Variants in ATP2A2 observed in about 807,000 individuals in gnomAD.
ATP2A2 encodes ATPase sarcoplasmic/endoplasmic reticulum Ca2+ transporting 2.
ATP2A2 carries 14 observed loss-of-function variants against 109.3 expected under a neutral mutation model. The ratio of observed to expected loss-of-function variants is 0.13; its 90% CI spans 0.08 to 0.20. The LOEUF is 0.20. ATP2A2 is among the 10% of genes least tolerant of loss of function. The pLI, the probability that ATP2A2 is intolerant of heterozygous loss-of-function variation, is 1.00. For synonymous variants in ATP2A2, 506 were observed against 490.9 expected (o/e 1.03, Z -0.41); for missense variants, 657 against 1,321.6 (o/e 0.50, Z 7.80).
At position 110,348,709 on chromosome 12, in the gene ATP2A2, AATC is replaced by A. The variant is rs1880118452; in HGVS notation, c.*2241_*2243del. The A allele has an allele frequency of 1.0e-6, 1 of 985,296 alleles. No homozygotes were observed. Among genetic ancestry groups the A allele is most frequent in the Admixed American group, 6.1e-5 (1 of 16,264 alleles). The allele number at this position is 985,296 out of a possible 1,614,324, so 61.0% of individuals were successfully genotyped here. On this transcript the variant is annotated 3_prime_UTR_variant, in exon 20 of 20. Transcript: ENST00000539276. ...ACAGAGTGAGGCCCTGTCAAAAAAA[AATC>A]AGCCTTACTGTGAAGCCTCCAAGGC...
intron 5 of ATP2A2, among the ~76,000 whole-genome samples, chr12:110,318,911 G>A (rs1876947763): frequency 6.6e-6 from 1 of 152,154 alleles, no homozygotes; most frequent in Non-Finnish European, 1.5e-5. Flanking sequence ...TTTTAGCTTC[G>A]AGTTGGTGTG....
intron 5 of ATP2A2, 124 bp from the exon 6 acceptor site, chr12:110,322,868 A>T (rs878993228): frequency 4.4e-5 from 33 of 757,808 alleles, no homozygotes; most frequent in Non-Finnish European, 4.9e-5. Flanking sequence ...ACTGAATTTT[A>T]TGTATTTGTG....
intron 5 of ATP2A2, among the ~76,000 whole-genome samples, chr12:110,305,597 T>G (rs1475873258): frequency 2.0e-5 from 3 of 152,246 alleles, no homozygotes; most frequent in African/African-American, 7.2e-5. Context: ...CTTACTCCAT[T>G]GATCTCTGTC....
chr12:110,333,044 A>C (rs923700437), intron 9 of ATP2A2, 137 bp from the exon 10 acceptor site: 1 of 801,772 alleles, frequency 1.2e-6, no homozygotes, highest in Non-Finnish European at 2.2e-6. Flanking sequence ...TCTGGCATCA[A>C]ATTGTTTGGA....
intron 5 of ATP2A2, among the ~76,000 whole-genome samples, chr12:110,299,590 AGC>A (rs1874331342): frequency 6.6e-6 from 1 of 152,130 alleles, no homozygotes; most frequent in Non-Finnish European, 1.5e-5. Context: ...TCAAAGAGTG[AGC>A]CTCTGACTTA....
At chr12:110,311,595 CAAAAAAAA>C (rs67023919) in intron 5 of ATP2A2, among the ~76,000 whole-genome samples, 10 of 25,224 alleles carry the variant, frequency 4.0e-4, no homozygotes, top group East Asian at 2.4e-3. Flanking sequence ...GACTCCATCT[CAAAAAAAA>C]AAAAAAAAAA....
At chr12:110,312,753 G>A (rs189278041) in intron 5 of ATP2A2, among the ~76,000 whole-genome samples, 195 of 151,414 alleles carry the variant, frequency 1.3e-3, no homozygotes, top group African/African-American at 4.5e-3. Context: ...GGGTGGCTGA[G>A]GCACGAGAAT....
chr12:110,288,223 G>A (rs982409240), intron 3 of ATP2A2, among the ~76,000 whole-genome samples: 6 of 142,954 alleles, frequency 4.2e-5, no homozygotes, highest in Admixed American at 2.2e-4. Context: ...CAATCTTCCC[G>A]AGTAGTCAGG....
At position 110,349,047 on chromosome 12, in the gene ATP2A2, T is replaced by C. The variant is rs1057382708; in HGVS notation, c.*2577T>C. 1.0e-6 allele frequency: 1 copy of C among 985,454 alleles called. No individual in the cohort carries two copies. The highest frequency in any genetic ancestry group is 1.2e-6 in the Non-Finnish European group (1 of 829,962). The allele number at this position is 985,454 out of a possible 1,614,324, so 61.0% of individuals were successfully genotyped here. ...CTAGTTAGCTTCATGGTTTCTCAGC[T>C]TCAGACCCCTCCAGCCCACAGAGGA... On this transcript the variant is annotated 3_prime_UTR_variant, in exon 20 of 20. Coordinates refer to ENST00000539276, the MANE Select transcript of ATP2A2 (RefSeq NM_170665.4).
At chr12:110,332,774 C>T (rs1417893155) in intron 9 of ATP2A2, 89 bp downstream of exon 9, 49 of 1,188,644 alleles carry the variant, frequency 4.1e-5, no homozygotes, top group Non-Finnish European at 3.8e-6. Context: ...GTTAAGACAG[C>T]TTTCTGAATG....
chr12:110,295,233 G>T (rs1873841087), intron 4 of ATP2A2, among the ~76,000 whole-genome samples: 1 of 151,960 alleles, frequency 6.6e-6, no homozygotes, highest in Admixed American at 6.6e-5. Context: ...CATAATCACA[G>T]CTCACTCCAA....
chr12:110,281,842 T>G lies in ATP2A2; in HGVS notation c.53T>G (p.Val18Gly). The change falls in exon 1 of 20, where the codon GTC becomes GGC. Residue 18 changes from valine (V) to glycine (G), a missense_variant. Val to Gly is a moderately radical substitution (Grantham distance 109). Around this residue, in one of 9 missense-constraint regions of ATP2A2, gnomAD observed 64 missense variants for 65.4 expected, o/e 0.98. Transcript: ENST00000539276. ...TVEEVLGHFG[V>G]NESTGLSLEQ... ...GAGGAGGTGCTGGGCCACTTCGGCG[T>G]CAACGAGAGTACGGGGCTGAGCCTG... The G allele has an allele frequency of 6.4e-7, 1 of 1,566,850 alleles. No homozygotes were observed. Among genetic ancestry groups the G allele is most frequent in the Non-Finnish European group, 8.6e-7 (1 of 1,158,488 alleles).
At chr12:110,308,390 T>TA (rs1875613008) in intron 5 of ATP2A2, among the ~76,000 whole-genome samples, 1 of 152,136 alleles carries the variant, frequency 6.6e-6, no homozygotes, top group Non-Finnish European at 1.5e-5. Flanking sequence ...GAAGCCTAGT[T>TA]ACAGCTGTAA....
intron 5 of ATP2A2, among the ~76,000 whole-genome samples, chr12:110,301,106 A>G (rs1874586121): frequency 6.6e-6 from 1 of 151,274 alleles, no homozygotes; most frequent in Non-Finnish European, 1.5e-5. Flanking sequence ...GCCTCAAGTG[A>G]TCCTCTTGCC....
At position 110,347,540 on chromosome 12, in the gene ATP2A2, G is replaced by A. The variant is rs997653588; in HGVS notation, c.*1070G>A. 1.6e-6 allele frequency: 2 copies of A among 1,287,758 alleles called. No individual in the cohort carries two copies. The highest frequency in any genetic ancestry group is 1.5e-5 in the African/African-American group (1 of 65,792). 79.8% of individuals were successfully genotyped at this position (1,287,758 alleles called of 1,614,324 possible). The stretch of plus-strand genomic sequence containing the variant: ...ATTTTATGCAAGTTTCTGCTGGCCT[G>A]GTATAGAGAACATAAGGGCAAGTGT... On this transcript the variant is annotated 3_prime_UTR_variant, in exon 20 of 20. Transcript: ENST00000539276.
At chr12:110,333,977 CT>C in intron 10 of ATP2A2, 34 bp from the exon 11 acceptor site, 1 of 1,613,728 alleles carries the variant, frequency 6.2e-7, no homozygotes, top group Non-Finnish European at 8.5e-7. Flanking sequence ...GTACTTCTCC[CT>C]TTTTTCTACT....
At chr12:110,326,501 T>C in intron 7 of ATP2A2, 26 bp downstream of exon 7, 3 of 1,570,648 alleles carry the variant, frequency 1.9e-6, no homozygotes, top group Non-Finnish European at 2.6e-6. Context: ...AATGTGTTTT[T>C]ATTTACAGAC....
chr12:110,347,323 A>ATAAC lies in ATP2A2; in HGVS notation c.*855_*858dup. The ATAAC allele has an allele frequency of 7.8e-7, 1 of 1,275,508 alleles. No homozygotes were observed. 79.0% of individuals were successfully genotyped at this position (1,275,508 alleles called of 1,614,324 possible). A position where few individuals can be genotyped will look rare whatever the true frequency, so the allele number is the denominator to read the frequency against. On this transcript the variant is annotated 3_prime_UTR_variant, in exon 20 of 20. Transcript: ENST00000539276. ...AAACATTTTAAATGGACAGAGAAAA[A>ATAAC]TAACTGTCTTGTCTTTAACTCGTAA...
chr12:110,336,180 C>T (rs1207835423), intron 11 of ATP2A2, among the ~76,000 whole-genome samples: 1 of 152,118 alleles, frequency 6.6e-6, no homozygotes, highest in Non-Finnish European at 1.5e-5. Flanking sequence ...CCAGTCAGTA[C>T]TTTTGCAGCC....
Sources: gnomAD v4.1 joint callset for allele counts (sites outside exome capture counted in the v4.1 genomes callset) on GRCh38, gnomAD v4.1.1 for gene constraint, gnomAD v4.1.1 regional missense constraint, MANE v1.5 for transcripts, NCBI Gene and HGNC (gene_info 2026-07-23, HGNC 2026-07-21) for gene names.